Variants in SEMA6D observed in about 807,000 individuals in gnomAD.
SEMA6D encodes semaphorin-6D.
Under a neutral mutation model 106.6 loss-of-function variants are expected in SEMA6D, and 35 were observed. The observed-to-expected ratio is 0.33, with a 90% CI of 0.25 to 0.44. The LOEUF is 0.44. SEMA6D is among the 20% of genes least tolerant of loss of function. The probability of loss-of-function intolerance (pLI) is 1.00; values close to 1 mark genes in which losing one functional copy is unlikely to be tolerated. For synonymous variants in SEMA6D, 499 were observed against 487.7 expected (o/e 1.02, Z -0.31); for missense variants, 1,185 against 1,345.9 (o/e 0.88, Z 1.87).
chr15:47,239,451 C>T (rs57507901), intron 1 of SEMA6D, among the ~76,000 whole-genome samples: 24,298 of 152,140 alleles, frequency 0.16, 3,274 homozygotes, highest in East Asian at 0.67. Flanking sequence ...TTGTCTTCTA[C>T]GAAACCAGTC....
rs568538129 is a variant in SEMA6D, at chr15:47,326,299, A to G, written c.-238-86094A>G. ...ATGCTATTTTATTTTACTTATGGCA[A>G]TAATGACTGTGCTTTTAACAAGTGC... On this transcript the variant is annotated intron_variant, in intron 1 of 19. Transcript: ENST00000558014. Among the ~76,000 whole-genome samples, 22 of 152,378 alleles carry G rather than the reference A, an allele frequency of 1.4e-4. No individual in the cohort carries two copies. In the East Asian group the frequency reaches 2.7e-3, roughly 19 times the overall value.
chr15:47,373,534 A>T (rs1595857587), intron 1 of SEMA6D, among the ~76,000 whole-genome samples: 1 of 152,166 alleles, frequency 6.6e-6, no homozygotes, highest in Admixed American at 6.5e-5. Flanking sequence ...TTTGTAGAGG[A>T]TGAGAAAGTG....
chr15:47,251,676 GCAA>G (rs1041007558), intron 1 of SEMA6D, among the ~76,000 whole-genome samples: 4 of 151,958 alleles, frequency 2.6e-5, no homozygotes, highest in African/African-American at 4.8e-5. Context: ...AAAGAAAATA[GCAA>G]CAACTGTACC....
intron 1 of SEMA6D, among the ~76,000 whole-genome samples, chr15:47,368,064 T>C (rs2039127507): frequency 1.3e-5 from 2 of 152,196 alleles, no homozygotes; most frequent in African/African-American, 2.4e-5. Flanking sequence ...TTAGCCTTTC[T>C]GATCTCTTTC....
At chr15:47,650,854 C>T (rs2077675047) in intron 4 of SEMA6D, among the ~76,000 whole-genome samples, 1 of 152,100 alleles carries the variant, frequency 6.6e-6, no homozygotes, top group African/African-American at 2.4e-5. Context: ...GCTCAAATTT[C>T]CTGACATGGT....
At chr15:47,367,747 G>T (rs1162797245) in intron 1 of SEMA6D, among the ~76,000 whole-genome samples, 3 of 151,574 alleles carry the variant, frequency 2.0e-5, no homozygotes, top group Non-Finnish European at 4.4e-5. Context: ...GAAAGAGAGA[G>T]AGAGTTTAAT....
chr15:47,454,948 G>A (rs569900403), intron 2 of SEMA6D, among the ~76,000 whole-genome samples: 24 of 151,944 alleles, frequency 1.6e-4, no homozygotes, highest in African/African-American at 3.9e-4. Flanking sequence ...TCCTGTAGGC[G>A]TTGATTTTCC....
chr15:47,607,261 T>A (rs1043896228), intron 4 of SEMA6D, among the ~76,000 whole-genome samples: 2 of 152,170 alleles, frequency 1.3e-5, no homozygotes, highest in African/African-American at 4.8e-5. Context: ...TAAAATGTTA[T>A]CTCTGGCATG....
At chr15:47,720,977 G>A (rs938045) in intron 1 of SEMA6D, among the ~76,000 whole-genome samples, 135,084 of 152,216 alleles carry the variant, frequency 0.89, 60,418 homozygotes, top group Non-Finnish European at 0.93. Context: ...TATTTTAATT[G>A]ATAGACTTTA....
intron 1 of SEMA6D, among the ~76,000 whole-genome samples, chr15:47,227,974 T>A (rs544214118): frequency 0.011 from 1,528 of 141,746 alleles, 39 homozygotes; most frequent in Admixed American, 0.012. Context: ...TTATATATAT[T>A]TTATATATAT....
chr15:47,458,821 C>T (rs2042418113), intron 2 of SEMA6D, among the ~76,000 whole-genome samples: 1 of 151,792 alleles, frequency 6.6e-6, no homozygotes, highest in Non-Finnish European at 1.5e-5. Flanking sequence ...ACAAAAACAT[C>T]TGAAATCAAA....
At chr15:47,729,571 A>G (rs901399189) in intron 1 of SEMA6D, among the ~76,000 whole-genome samples, 1 of 152,168 alleles carries the variant, frequency 6.6e-6, no homozygotes, top group African/African-American at 2.4e-5. Flanking sequence ...GGCAGATTGG[A>G]TGGGGTTTGT....
chr15:47,358,258 A>G (rs1376412201), intron 1 of SEMA6D, among the ~76,000 whole-genome samples: 6 of 152,212 alleles, frequency 3.9e-5, no homozygotes, highest in Non-Finnish European at 1.5e-5. Flanking sequence ...GCTTTCCTGC[A>G]GGGAATGATT....
intron 2 of SEMA6D, among the ~76,000 whole-genome samples, chr15:47,457,584 G>A (rs944015354): frequency 4.6e-5 from 7 of 151,862 alleles, no homozygotes; most frequent in East Asian, 1.9e-4. Context: ...GAGACTATCC[G>A]AAGATTAGAC....
chr15:47,765,485 A>C, intron 13 of SEMA6D: 2 of 975,012 alleles, frequency 2.1e-6, no homozygotes, highest in Non-Finnish European at 2.5e-6. Flanking sequence ...ACCATTAAAA[A>C]AAAAAACAAA....
At chr15:47,232,686 G>T (rs564358019) in intron 1 of SEMA6D, among the ~76,000 whole-genome samples, 1 of 152,014 alleles carries the variant, frequency 6.6e-6, no homozygotes, top group Non-Finnish European at 1.5e-5. Flanking sequence ...CTGGCTTGAA[G>T]ATTGAACATC....
At chr15:47,288,436 G>A (rs1005898202) in intron 1 of SEMA6D, among the ~76,000 whole-genome samples, 6 of 152,138 alleles carry the variant, frequency 3.9e-5, no homozygotes, top group Non-Finnish European at 5.9e-5. Context: ...TCTCTTTAAG[G>A]TAGATATTGG....
At chr15:47,745,259 A>G (rs1213787639) in intron 1 of SEMA6D, among the ~76,000 whole-genome samples, 5 of 152,160 alleles carry the variant, frequency 3.3e-5, no homozygotes, top group Non-Finnish European at 5.9e-5. Flanking sequence ...ATGTGCCAGG[A>G]TCTCTGGTTC....
At chr15:47,531,679 C>T (rs1480495148) in intron 3 of SEMA6D, among the ~76,000 whole-genome samples, 2 of 152,196 alleles carry the variant, frequency 1.3e-5, no homozygotes, top group Non-Finnish European at 2.9e-5. Flanking sequence ...CCCCCAGACT[C>T]ATCCCCTCCA....
Sources: gnomAD v4.1 joint callset for allele counts (sites outside exome capture counted in the v4.1 genomes callset) on GRCh38, gnomAD v4.1.1 for gene constraint, MANE v1.5 for transcripts, NCBI Gene and HGNC (gene_info 2026-07-23, HGNC 2026-07-21) for gene names.